SCNN1B: variants seen among roughly 807,000 people sequenced by gnomAD.
SCNN1B encodes sodium channel epithelial 1 subunit beta, also known as epithelial sodium channel subunit beta.
A neutral mutation model predicts 65.3 loss-of-function variants in SCNN1B; 46 were observed. That is an observed-to-expected ratio of 0.70 (90% CI 0.56 to 0.90). The LOEUF is 0.90. Among genes scored for constraint, SCNN1B ranks in the 40% least tolerant of loss-of-function variants. SCNN1B has a pLI of 0.00. For missense variants in SCNN1B, 751 were observed against 830.5 expected, an observed-to-expected ratio of 0.90 and a Z score of 1.18; for synonymous variants, 349 against 330.6, an observed-to-expected ratio of 1.06 and a Z score of -0.60.
chr16:23,303,230 G>C (rs1258806310), intron 1 of SCNN1B, among the ~76,000 whole-genome samples: 1 of 152,146 alleles, frequency 6.6e-6, no homozygotes. Context: ...ACAGAGTTTA[G>C]GGAGGAAGCA....
At chr16:23,320,885 C>T (rs1190141450) in intron 1 of SCNN1B, among the ~76,000 whole-genome samples, 3 of 152,138 alleles carry the variant, frequency 2.0e-5, no homozygotes, top group Non-Finnish European at 2.9e-5. Flanking sequence ...TCAGGCTGGG[C>T]CCAGAGCCAT....
At chr16:23,324,364 T>C (rs569639360) in intron 1 of SCNN1B, among the ~76,000 whole-genome samples, 10 of 152,084 alleles carry the variant, frequency 6.6e-5, no homozygotes, top group Admixed American at 2.0e-4. Flanking sequence ...ATTTCTTTTG[T>C]TTTTTGTTGT....
intron 4 of SCNN1B, among the ~76,000 whole-genome samples, chr16:23,357,709 G>A (rs555160490): frequency 1.1e-4 from 17 of 152,334 alleles, no homozygotes; most frequent in South Asian, 4.1e-4. Context: ...GCAAAAGGTG[G>A]TTCCCATAGG....
intron 4 of SCNN1B, among the ~76,000 whole-genome samples, chr16:23,367,281 T>C (rs368300436): frequency 1.3e-5 from 2 of 152,218 alleles, no homozygotes; most frequent in African/African-American, 4.8e-5. Flanking sequence ...GAAAGTTCTT[T>C]TTCATTTTTG....
In SCNN1B at chr16:23,304,052, C is replaced by T. The variant is rs371984580; in HGVS notation, c.-9+1615C>T. 9.4e-5 allele frequency: 144 copies of T among 1,535,476 alleles called. No homozygotes were observed. In the African/African-American group the frequency reaches 1.6e-3, roughly 17 times the overall value. ...TTATTTAAACTGCTGCATGGATTCC[C>T]GCCGTGGATAATGCCTACCGATGGG... On this transcript the variant is annotated intron_variant, in intron 1 of 12. Coordinates refer to ENST00000343070, the MANE Select transcript of SCNN1B (RefSeq NM_000336.3).
At chr16:23,374,138 A>C (rs1365179566) in intron 7 of SCNN1B, among the ~76,000 whole-genome samples, 1 of 152,026 alleles carries the variant, frequency 6.6e-6, no homozygotes, top group African/African-American at 2.4e-5. Flanking sequence ...GTGGTGGTGC[A>C]TGCCTATAGT....
intron 1 of SCNN1B, among the ~76,000 whole-genome samples, chr16:23,346,202 T>TTTTC (rs1962184540): frequency 1.7e-5 from 1 of 58,846 alleles, no homozygotes; most frequent in African/African-American, 6.9e-5. Context: ...TTCCTTTTCT[T>TTTTC]TTTTTTTTTT....
intron 1 of SCNN1B, among the ~76,000 whole-genome samples, chr16:23,345,286 C>A (rs549907875): frequency 2.0e-5 from 3 of 152,306 alleles, no homozygotes; most frequent in Admixed American, 2.0e-4. Flanking sequence ...GGAGAAGCCA[C>A]AGGCACAAGA....
intron 1 of SCNN1B, among the ~76,000 whole-genome samples, chr16:23,334,939 T>C (rs904744886): frequency 3.3e-5 from 5 of 152,234 alleles, no homozygotes; most frequent in African/African-American, 9.6e-5. Flanking sequence ...TATGGAACAG[T>C]TTAATCTTTG....
chr16:23,349,566 T>C (rs1353014103), intron 2 of SCNN1B, among the ~76,000 whole-genome samples: 3 of 151,708 alleles, frequency 2.0e-5, no homozygotes, highest in Non-Finnish European at 4.4e-5. Context: ...AAATCATAAG[T>C]TTCCTAGGCT....
intron 4 of SCNN1B, among the ~76,000 whole-genome samples, chr16:23,360,834 G>C (rs377243842): frequency 2.7e-5 from 4 of 150,148 alleles, no homozygotes; most frequent in Non-Finnish European, 5.9e-5. Flanking sequence ...TCACTCTGTC[G>C]CCCAGGCTGG....
intron 1 of SCNN1B, among the ~76,000 whole-genome samples, chr16:23,342,427 A>G (rs1237087298): frequency 1.3e-5 from 2 of 152,128 alleles, no homozygotes; most frequent in Non-Finnish European, 2.9e-5. Flanking sequence ...TTGTATTTTT[A>G]CTAGAGACAG....
In SCNN1B at chr16:23,371,897, G is replaced by T. The variant is rs1224732786; in HGVS notation, c.1152+14G>T. ...TACTCCATCCAGGTGGGAAGGTGGT[G>T]CACGCCTCATGCCCCGGGGCCCCTG... On this transcript the variant is annotated intron_variant, in intron 7 of 12. Coordinates refer to ENST00000343070, the MANE Select transcript of SCNN1B (RefSeq NM_000336.3). 6.3e-7 allele frequency: 1 copy of T among 1,588,742 alleles called. No homozygotes were observed. The highest frequency in any genetic ancestry group is 1.7e-5 in the Admixed American group (1 of 60,002).
chr16:23,286,637 C>T (rs1596805825), intron 2 of SCNN1B, among the ~76,000 whole-genome samples: 1 of 152,202 alleles, frequency 6.6e-6, no homozygotes, highest in East Asian at 1.9e-4. Context: ...GACAGCAGGA[C>T]AAATTAAATA....
At chr16:23,347,806 G>T (rs1257265362) in intron 1 of SCNN1B, among the ~76,000 whole-genome samples, 1 of 152,212 alleles carries the variant, frequency 6.6e-6, no homozygotes, top group Admixed American at 6.5e-5. Flanking sequence ...CTACTTAGGA[G>T]GCTGAGGTGG....
At position 23,380,215 on chromosome 16, in the gene SCNN1B, C is replaced by T. The variant is rs531472088; in HGVS notation, c.1542+46C>T. The T allele has an allele frequency of 6.4e-7, 1 of 1,551,926 alleles. No individual in the cohort carries two copies. The highest frequency in any genetic ancestry group is 1.4e-5 in the African/African-American group (1 of 73,712). ...ATACCCCAGCCCTGCCCTGCCCTGACCCCTGCACCCTGAGGGTGGGGGAAG... is the reference window on the plus strand; with the variant it reads ...ATACCCCAGCCCTGCCCTGCCCTGATCCCTGCACCCTGAGGGTGGGGGAAG... On this transcript the variant is annotated intron_variant, in intron 12 of 12. Transcript: ENST00000343070. The surrounding 1 kb of genome is among the most constrained non-coding windows in gnomAD (Gnocchi z 5.4).
At chr16:23,292,011 G>A (rs1042478838) in intron 2 of SCNN1B, among the ~76,000 whole-genome samples, 34 of 151,112 alleles carry the variant, frequency 2.2e-4, no homozygotes, top group Non-Finnish European at 4.4e-4. Context: ...TTTCTCTCAC[G>A]CCCCACATCC....
At chr16:23,280,165 C>T (rs1960764789) in intron 1 of SCNN1B, among the ~76,000 whole-genome samples, 1 of 152,094 alleles carries the variant, frequency 6.6e-6, no homozygotes, top group Non-Finnish European at 1.5e-5. Flanking sequence ...CGTTCATCCT[C>T]TTGTTTCGCT....
Position 23,379,672 on chromosome 16 carries a change from G to A in SCNN1B, c.1467-422G>A, listed in dbSNP as rs140175814. 1.2e-4 allele frequency among the ~76,000 whole-genome samples: 19 copies of A among 152,314 alleles called. No homozygotes were observed. The East Asian group carries it at 1.7e-3, about 14-fold the overall frequency. On this transcript the variant is annotated intron_variant, in intron 11 of 12. Transcript: ENST00000343070. ...GAAGAGCTCTGTGCGGAGTCACTCC[G>A]TATAGCCCAGGCCACCCTGATGGCA...
Sources: gnomAD v4.1 joint callset for allele counts (sites outside exome capture counted in the v4.1 genomes callset) on GRCh38, gnomAD v4.1.1 for gene constraint, Gnocchi (gnomAD v3.1) non-coding constraint, MANE v1.5 for transcripts, NCBI Gene and HGNC (gene_info 2026-07-23, HGNC 2026-07-21) for gene names.